ZNF567: variants seen among roughly 807,000 people sequenced by gnomAD.
ZNF567 encodes zinc finger protein 567.
In ZNF567, 36 loss-of-function variants were observed where a neutral mutation model predicts 53.9. That is an observed-to-expected ratio of 0.67 (90% CI 0.51 to 0.88). The LOEUF is 0.88. Ranked by LOEUF, ZNF567 falls within the 40% of genes least tolerant of loss-of-function variation. The pLI, the probability that ZNF567 is intolerant of heterozygous loss-of-function variation, is 0.00. For missense variants in ZNF567, 619 were observed against 764.7 expected (o/e 0.81, Z 2.25); for synonymous variants, 224 against 260.4 (o/e 0.86, Z 1.35).
In ZNF567 at chr19:36,719,311, T is replaced by C; in HGVS notation, c.587T>C (p.Val196Ala). ...QSARAFSHNE[V>A]LMQYQKTETP... Reference sequence around the variant, plus strand: ...GCCAGAGCTTTCAGTCATAATGAAGTTCTTATGCAGTATCAGAAAACGGAA... The same window carrying C: ...GCCAGAGCTTTCAGTCATAATGAAGCTCTTATGCAGTATCAGAAAACGGAA... The change falls in exon 6 of 6, where the codon GTT (valine) becomes GCT (alanine). Residue 196 changes from valine (V) to alanine (A), a missense_variant. Coordinates refer to ENST00000682579, the MANE Select transcript of ZNF567 (RefSeq NM_001322917.1). 6.2e-7 allele frequency: 1 copy of C among 1,613,316 alleles called. No individual in the cohort carries two copies. Among genetic ancestry groups the C allele is most frequent in the African/African-American group, 1.3e-5 (1 of 74,946 alleles).
rs753032237 is a variant in ZNF567 at position 36,719,723 on chromosome 19, G to T, written c.999G>T (p.Gly333=). 3.1e-6 allele frequency: 5 copies of T among 1,613,792 alleles called. No individual in the cohort carries two copies. The African/African-American group carries it at 6.7e-5, about 22-fold the overall frequency. Residue 333 remains glycine, a synonymous_variant, in exon 6 of 6, where the codon GGG becomes GGT. Transcript: ENST00000682579. ...CTGATCATCAGAGAACACACACAGG[G>T]GAGAAATCGTATGAATGTCTGCAAT... The part of the protein sequence containing the change: ...ALTDHQRTHT[G]EKSYECLQCR...
chr19:36,712,880 C>G lies in ZNF567; in HGVS notation c.223+13C>G. ...CATACCTGCTTGGGTGAGTTTCTGGCTCTTAGGCAGACACAGTCTAGCAGA... is the reference window on the plus strand; with the variant it reads ...CATACCTGCTTGGGTGAGTTTCTGGGTCTTAGGCAGACACAGTCTAGCAGA... On this transcript the variant is annotated intron_variant, in intron 5 of 5. Coordinates refer to ENST00000682579, the MANE Select transcript of ZNF567 (RefSeq NM_001322917.1). The G allele has an allele frequency of 6.2e-7, 1 of 1,607,366 alleles. No individual in the cohort carries two copies. Among genetic ancestry groups the G allele is most frequent in the South Asian group, 1.1e-5 (1 of 90,564 alleles).
At chr19:36,690,832 A>G (rs1370056218) in intron 2 of ZNF567, among the ~76,000 whole-genome samples, 1 of 152,222 alleles carries the variant, frequency 6.6e-6, no homozygotes, top group Non-Finnish European at 1.5e-5. Flanking sequence ...GCTGTCATTT[A>G]AAAAATCTTG....
the ZNF567 span, among the ~76,000 whole-genome samples, chr19:36,675,431 T>C: frequency 6.6e-6 from 1 of 151,976 alleles, no homozygotes; most frequent in Non-Finnish European, 1.5e-5. Flanking sequence ...TCCCAGCACT[T>C]TGGGAGGCTG....
At chr19:36,701,584 A>C (rs2039188718) in intron 3 of ZNF567, among the ~76,000 whole-genome samples, 1 of 151,992 alleles carries the variant, frequency 6.6e-6, no homozygotes, top group African/African-American at 2.4e-5. Context: ...GTCTCTAAGG[A>C]CTTGCTTTAT....
At chr19:36,701,673 T>G (rs2039193776) in intron 3 of ZNF567, among the ~76,000 whole-genome samples, 1 of 150,080 alleles carries the variant, frequency 6.7e-6, no homozygotes, top group Admixed American at 6.7e-5. Context: ...CCTTTACCAT[T>G]ATGTAATGGC....
intron 3 of ZNF567, among the ~76,000 whole-genome samples, chr19:36,701,872 T>TTA (rs202234164): frequency 1.3e-4 from 1 of 7,634 alleles, no homozygotes; most frequent in Non-Finnish European, 2.5e-4. Flanking sequence ...GTCTTGACTC[T>TTA]ATCCAATTTG....
At chr19:36,727,382 A>ATTT (rs566213603), downstream of ZNF567, 3 of 136,546 alleles carry the variant, frequency 2.2e-5, no homozygotes, top group Non-Finnish European at 3.1e-5. Context: ...AAGTAGAGCA[A>ATTT]TTTTTTTTTT....
rs946238196 is a variant in ZNF567, at chr19:36,694,786, G to A, written c.-66-16G>A. On this transcript the variant is annotated splice_polypyrimidine_tract_variant and intron_variant, in intron 2 of 5. Coordinates refer to ENST00000682579, the MANE Select transcript of ZNF567 (RefSeq NM_001322917.1). ...GGTCTCATGTGGCTTTTTTTGTCTC[G>A]GCTTTGCCTCCTTAGGAACTGCCTC... is the stretch of plus-strand genomic sequence containing the variant. 28 of 1,407,544 alleles carry A rather than the reference G, an allele frequency of 2.0e-5. No individual in the cohort carries two copies. Among genetic ancestry groups the A allele is most frequent in the African/African-American group, 5.9e-5 (4 of 67,936 alleles). 87.2% of individuals were successfully genotyped at this position (1,407,544 alleles called of 1,614,324 possible).
intron 3 of ZNF567, 132 bp downstream of exon 3, chr19:36,695,008 T>C (rs1172057664): frequency 3.0e-6 from 3 of 988,738 alleles, no homozygotes; most frequent in African/African-American, 3.3e-5. Flanking sequence ...TCCTCACTTC[T>C]TCCCATATTG....
chr19:36,689,552 C>CT (rs1294385444), intron 2 of ZNF567, 55 bp downstream of exon 2: 1 of 152,114 alleles, frequency 6.6e-6, no homozygotes, highest in Non-Finnish European at 1.5e-5. Flanking sequence ...TCCAGATACA[C>CT]TTCCCTTCTC....
Position 36,712,428 on chromosome 19 carries a change from G to A in ZNF567, c.52G>A (p.Glu18Lys), listed in dbSNP as rs1568707383. The change falls in exon 4 of 6, where the codon GAG (glutamate) becomes AAG (lysine). Residue 18 changes from glutamate to lysine, a missense_variant. Glu to Lys is a moderately conservative substitution (Grantham distance 56). Coordinates refer to ENST00000682579, the MANE Select transcript of ZNF567 (RefSeq NM_001322917.1). ...FNDVTVDFTQEEWQHLDHAQK... is the reference protein window; with the variant it reads ...FNDVTVDFTQKEWQHLDHAQK... ...TGATGTGACTGTGGACTTCACTCAG[G>A]AGGAGTGGCAGCACCTGGATCATGC... is the stretch of plus-strand genomic sequence containing the variant. The A allele has an allele frequency of 6.2e-7, 1 of 1,613,954 alleles. No individual in the cohort carries two copies. The highest frequency in any genetic ancestry group is 8.5e-7 in the Non-Finnish European group (1 of 1,179,984).
At chr19:36,726,982 T>TTTTATTTCTTTCTTTCTTTCTTTCTTTC (rs2040337185), downstream of ZNF567, 1 of 55,390 alleles carries the variant, frequency 1.8e-5, no homozygotes, top group African/African-American at 6.9e-5. Flanking sequence ...CTTTCTTTCT[T>TTTTATTTCTTTCTTTCTTTCTTTCTTTC]TTTCTTTCTT....
At chr19:36,695,122 A>C (rs78504130) in intron 3 of ZNF567, among the ~76,000 whole-genome samples, 185 of 151,760 alleles carry the variant, frequency 1.2e-3, no homozygotes, top group East Asian at 0.011. Context: ...CCTTAACAGC[A>C]CTTCGCTCCC....
intron 2 of ZNF567, among the ~76,000 whole-genome samples, chr19:36,690,630 A>G (rs961560720): frequency 1.3e-5 from 2 of 152,166 alleles, no homozygotes; most frequent in Admixed American, 6.5e-5. Flanking sequence ...TTAGGAAAAA[A>G]CACATAGGCA....
downstream of ZNF567, among the ~76,000 whole-genome samples, chr19:36,723,578 G>A (rs1453503094): frequency 6.6e-6 from 1 of 152,190 alleles, no homozygotes; most frequent in African/African-American, 2.4e-5. Context: ...TCTCACACCT[G>A]TAATCCCAGC....
At chr19:36,678,928 C>CAAAT in the ZNF567 span, among the ~76,000 whole-genome samples, 1 of 151,608 alleles carries the variant, frequency 6.6e-6, no homozygotes, top group Non-Finnish European at 1.5e-5. Flanking sequence ...AGAAGACATA[C>CAAAT]AAATGGCCAG....
chr19:36,721,740 T>C (rs933580934), downstream of ZNF567, among the ~76,000 whole-genome samples: 2 of 106,386 alleles, frequency 1.9e-5, no homozygotes, highest in African/African-American at 9.4e-5. Context: ...GTCTTTTTTT[T>C]TTTCTTTTTT....
the ZNF567 span, among the ~76,000 whole-genome samples, chr19:36,667,103 C>T: frequency 6.6e-6 from 1 of 152,190 alleles, no homozygotes. Flanking sequence ...CGGGCGCGGA[C>T]TAACCCGGCT....
Sources: allele counts gnomAD v4.1 joint callset (sites outside exome capture counted in the v4.1 genomes callset), GRCh38; gene constraint gnomAD v4.1.1; transcripts MANE v1.5; gene names NCBI Gene and HGNC (gene_info 2026-07-23, HGNC 2026-07-21).